Variants in ULK4 observed in about 807,000 individuals in gnomAD.
ULK4 encodes inactive serine/threonine-protein kinase ULK4.
Under a neutral mutation model 160.6 loss-of-function variants are expected in ULK4, and 133 were observed. The ratio of observed to expected loss-of-function variants is 0.83; its 90% CI spans 0.72 to 0.96. The LOEUF (loss-of-function observed/expected upper bound fraction) is 0.96. ULK4 is among the 40% of genes least tolerant of loss of function. The probability of loss-of-function intolerance (pLI) is 0.00; values close to 1 mark genes in which losing one functional copy is unlikely to be tolerated. For synonymous variants in ULK4, 534 were observed against 539.8 expected (o/e 0.99, Z 0.15); for missense variants, 1,580 against 1,499.5 (o/e 1.05, Z -0.89).
intron 31 of ULK4, among the ~76,000 whole-genome samples, chr3:41,594,358 G>A (rs758811848): frequency 2.2e-4 from 34 of 152,024 alleles, no homozygotes; most frequent in Admixed American, 7.2e-4. Flanking sequence ...GCAACACAGT[G>A]AGACTTCCAT....
At chr3:41,440,181 T>C (rs1022043113) in intron 34 of ULK4, among the ~76,000 whole-genome samples, 5 of 152,136 alleles carry the variant, frequency 3.3e-5, no homozygotes, top group African/African-American at 9.7e-5. Context: ...ATCTGGATGA[T>C]TTTTAATTAT....
At chr3:41,397,749 T>C (rs2082092134) in intron 35 of ULK4, among the ~76,000 whole-genome samples, 1 of 152,178 alleles carries the variant, frequency 6.6e-6, no homozygotes, top group African/African-American at 2.4e-5. Context: ...AAAGGAATTT[T>C]ATCAGTGTTA....
chr3:41,591,668 T>C lies in ULK4; in HGVS notation c.3120+24001A>G, dbSNP rs1192592784. ...GAGTAAATATTTTAACTTATTTTTA[T>C]ATTTAAATTTCTTTAACTGGATAAG... On this transcript the variant is annotated intron_variant, in intron 31 of 36. Transcript: ENST00000301831. 2.0e-5 allele frequency among the ~76,000 whole-genome samples: 3 copies of C among 152,232 alleles called. No individual in the cohort carries two copies. In the East Asian group the frequency reaches 5.8e-4, roughly 29 times the overall value.
intron 35 of ULK4, among the ~76,000 whole-genome samples, chr3:41,272,040 C>T (rs932285009): frequency 3.9e-5 from 6 of 152,162 alleles, no homozygotes; most frequent in African/African-American, 9.7e-5. Flanking sequence ...CCTCAGCCTC[C>T]GGAGTAGCTG....
intron 16 of ULK4, among the ~76,000 whole-genome samples, chr3:41,893,111 A>G (rs1698025742): frequency 6.6e-6 from 1 of 152,228 alleles, no homozygotes; most frequent in African/African-American, 2.4e-5. Context: ...AAGATAGAAT[A>G]AGTAGAGTAT....
At chr3:41,528,941 T>C (rs933249177) in intron 32 of ULK4, among the ~76,000 whole-genome samples, 5 of 152,210 alleles carry the variant, frequency 3.3e-5, no homozygotes, top group Admixed American at 2.6e-4. Context: ...CATGTCTGCC[T>C]ATGTAGCGAG....
intron 35 of ULK4, among the ~76,000 whole-genome samples, chr3:41,352,166 C>T (rs1234934397): frequency 6.6e-6 from 1 of 152,186 alleles, no homozygotes; most frequent in Non-Finnish European, 1.5e-5. Flanking sequence ...TGGCCTCATA[C>T]TCTTCACTTG....
At chr3:41,430,148 T>C (rs967528842) in intron 34 of ULK4, among the ~76,000 whole-genome samples, 1 of 152,172 alleles carries the variant, frequency 6.6e-6, no homozygotes, top group Non-Finnish European at 1.5e-5. Flanking sequence ...AGAATATAAC[T>C]TTCTAATAAA....
At chr3:41,524,647 G>C (rs1401919401) in intron 32 of ULK4, among the ~76,000 whole-genome samples, 1 of 152,042 alleles carries the variant, frequency 6.6e-6, no homozygotes, top group African/African-American at 2.4e-5. Flanking sequence ...ACTTAAGAAA[G>C]GAAGAGGGGC....
At chr3:41,303,501 AG>A (rs1459293112) in intron 35 of ULK4, among the ~76,000 whole-genome samples, 3 of 152,198 alleles carry the variant, frequency 2.0e-5, no homozygotes, top group Non-Finnish European at 4.4e-5. Flanking sequence ...GAATTCAGTG[AG>A]GTTAGTGAGG....
intron 32 of ULK4, among the ~76,000 whole-genome samples, chr3:41,475,450 G>A (rs1382458184): frequency 6.6e-6 from 1 of 152,032 alleles, no homozygotes; most frequent in African/African-American, 2.4e-5. Flanking sequence ...TAGTAATAAT[G>A]TATACTTCAA....
At chr3:41,944,481 T>C (rs1700054531) in intron 2 of ULK4, among the ~76,000 whole-genome samples, 1 of 152,176 alleles carries the variant, frequency 6.6e-6, no homozygotes, top group Admixed American at 6.6e-5. Flanking sequence ...AAGTAACTCC[T>C]GATAATTCTT....
At chr3:41,856,618 C>T (rs1162713375) in intron 17 of ULK4, among the ~76,000 whole-genome samples, 29 of 91,162 alleles carry the variant, frequency 3.2e-4, no homozygotes, top group Admixed American at 1.3e-3. Context: ...TATATATACA[C>T]ATATATATAT....
At chr3:41,370,626 C>T (rs181136387) in intron 35 of ULK4, among the ~76,000 whole-genome samples, 3 of 152,312 alleles carry the variant, frequency 2.0e-5, no homozygotes, top group Non-Finnish European at 4.4e-5. Context: ...AGCTATTCGG[C>T]CCAGATACTA....
chr3:41,914,105 C>T (rs778021757), intron 8 of ULK4, among the ~76,000 whole-genome samples: 11 of 152,178 alleles, frequency 7.2e-5, no homozygotes, highest in Non-Finnish European at 1.3e-4. Flanking sequence ...AACTCAGGCT[C>T]ACTTTCAAAA....
intron 22 of ULK4, among the ~76,000 whole-genome samples, chr3:41,751,800 G>A (rs1257112468): frequency 6.6e-6 from 1 of 152,178 alleles, no homozygotes; most frequent in African/African-American, 2.4e-5. Context: ...TGAATGATCT[G>A]AGGAAGCCAG....
intron 30 of ULK4, among the ~76,000 whole-genome samples, chr3:41,650,813 A>AC (rs2034710168): frequency 6.6e-6 from 1 of 152,252 alleles, no homozygotes; most frequent in East Asian, 1.9e-4. Context: ...TGTTCCAACA[A>AC]TATTTTATTT....
In ULK4 at chr3:41,711,162, A is replaced by C. The variant is rs374312341; in HGVS notation, c.2634+4075T>G. On this transcript the variant is annotated intron_variant, in intron 25 of 36. Transcript: ENST00000301831. ...TCCCCACCAATGATGCAAGAGAGGC[A>C]AGGAGAGGCTCTTGGTGAGCCAAGT... 5.3e-5 allele frequency among the ~76,000 whole-genome samples: 8 copies of C among 152,338 alleles called. No homozygotes were observed. In the East Asian group the frequency reaches 7.7e-4, roughly 15 times the overall value.
intron 35 of ULK4, among the ~76,000 whole-genome samples, chr3:41,359,073 C>G (rs2081081116): frequency 6.6e-6 from 1 of 152,166 alleles, no homozygotes; most frequent in Admixed American, 6.5e-5. Context: ...CCCTTCAGGC[C>G]TCTGCTCAGA....
Sources: gnomAD v4.1 joint callset for allele counts (sites outside exome capture counted in the v4.1 genomes callset) on GRCh38, gnomAD v4.1.1 for gene constraint, MANE v1.5 for transcripts, NCBI Gene and HGNC (gene_info 2026-07-23, HGNC 2026-07-21) for gene names.